ACADM: variants seen among roughly 807,000 people sequenced by gnomAD.
ACADM encodes the protein medium-chain specific acyl-CoA dehydrogenase, mitochondrial.
In ACADM, 49 loss-of-function variants were observed where a neutral mutation model predicts 58.9. The ratio of observed to expected loss-of-function variants is 0.83; its 90% CI spans 0.66 to 1.06. The LOEUF (loss-of-function observed/expected upper bound fraction) is 1.06, where lower values mean the gene tolerates loss of function less well. ACADM is among the 50% of genes least tolerant of loss of function. ACADM has a pLI of 0.00. For missense variants in ACADM, 496 were observed against 507.0 expected, an observed-to-expected ratio of 0.98 and a Z score of 0.21; for synonymous variants, 160 against 157.7, an observed-to-expected ratio of 1.01 and a Z score of -0.11.
chr1:75,745,072 A>G (rs1202731821), intron 7 of ACADM, among the ~76,000 whole-genome samples: 1 of 152,310 alleles, frequency 6.6e-6, no homozygotes, highest in East Asian at 1.9e-4. Context: ...CAAACCCTGT[A>G]TATACTATGT....
chr1:75,736,584 A>C (rs2788653), intron 6 of ACADM, among the ~76,000 whole-genome samples: 140,774 of 152,008 alleles, frequency 0.93, 65,412 homozygotes, highest in African/African-American at 0.97. Flanking sequence ...AGTTTAGGAC[A>C]GGTTGCCCTC....
chr1:75,739,620 C>T (rs917829757), intron 6 of ACADM, among the ~76,000 whole-genome samples: 1 of 152,024 alleles, frequency 6.6e-6, no homozygotes, highest in African/African-American at 2.4e-5. Flanking sequence ...CTAGGCAACA[C>T]AGTGAGATGC....
At chr1:75,725,731 G>T (rs1647043616) in intron 1 of ACADM, among the ~76,000 whole-genome samples, 1 of 152,214 alleles carries the variant, frequency 6.6e-6, no homozygotes, top group African/African-American at 2.4e-5. Context: ...CATTGTTCTA[G>T]ACAGAGAGCC....
chr1:75,748,117 T>G (rs1647993820), intron 8 of ACADM, among the ~76,000 whole-genome samples: 1 of 152,214 alleles, frequency 6.6e-6, no homozygotes, highest in Non-Finnish European at 1.5e-5. Context: ...GTTTTTTTCC[T>G]TATTAAGAGT....
chr1:75,749,317 C>T lies in ACADM; in HGVS notation c.709-102C>T. On this transcript the variant is annotated intron_variant, in intron 8 of 11. Transcript: ENST00000370841. ...GCATTGCAGACTACAGTTTGTTGATCCCTGTTTTAGGTAATTGCAGAAAGT... is the reference window on the plus strand; with the variant it reads ...GCATTGCAGACTACAGTTTGTTGATTCCTGTTTTAGGTAATTGCAGAAAGT... The T allele has an allele frequency of 2.5e-6, 3 of 1,211,288 alleles. No homozygotes were observed. The South Asian group carries it at 3.9e-5, about 16-fold the overall frequency. The allele number at this position is 1,211,288 out of a possible 1,614,324, so 75.0% of individuals were successfully genotyped here. A position where few individuals can be genotyped will look rare whatever the true frequency, so the allele number is the denominator to read the frequency against.
Position 75,733,531 on chromosome 1 carries a change from G to C in ACADM, c.290G>C (p.Gly97Ala). 2 of 1,613,002 alleles carry C rather than the reference G, an allele frequency of 1.2e-6. No homozygotes were observed. The highest frequency in any genetic ancestry group is 1.7e-6 in the Non-Finnish European group (2 of 1,179,056). ...MNTHIPENCG[G>A]LGLGTFDACL... is the part of the protein sequence containing the mutation. ...TTGAAACATTTTGATACTGTAGGAG[G>C]TCTTGGACTTGGAACTTTTGATGCT... is the stretch of plus-strand genomic sequence containing the variant. Residue 97 changes from glycine to alanine, a missense_variant, in exon 5 of 12, where the codon GGT (glycine) becomes GCT (alanine). Transcript: ENST00000370841.
Position 75,749,608 on chromosome 1 carries a change from T to C in ACADM, c.849+49T>C, listed in dbSNP as rs911445394. On this transcript the variant is annotated intron_variant, in intron 9 of 11. Transcript: ENST00000370841. ...TTTATAGGATCTTTTATTTATTACA[T>C]TAAATAAGTATTTTTACTTTAAAAT... 2.7e-6 allele frequency: 4 copies of C among 1,480,410 alleles called. No individual in the cohort carries two copies. In the East Asian group the frequency reaches 9.3e-5, roughly 34 times the overall value. The allele number at this position is 1,480,410 out of a possible 1,614,324, so 91.7% of individuals were successfully genotyped here. A position where few individuals can be genotyped will look rare whatever the true frequency, so the allele number is the denominator to read the frequency against.
At chr1:75,760,134 AAAG>A (rs750106884) in intron 10 of ACADM, among the ~76,000 whole-genome samples, 1 of 151,094 alleles carries the variant, frequency 6.6e-6, no homozygotes, top group African/African-American at 2.4e-5. Context: ...AAAAGAAAAA[AAAG>A]AGGCCGAGTG....
chr1:75,726,531 CAGAA>C (rs796543800), intron 1 of ACADM, among the ~76,000 whole-genome samples: 15 of 152,266 alleles, frequency 9.9e-5, no homozygotes, highest in African/African-American at 3.6e-4. Flanking sequence ...AGGATACTAA[CAGAA>C]AGATCAGTAT....
At chr1:75,748,760 G>T (rs1321042864) in intron 8 of ACADM, among the ~76,000 whole-genome samples, 3 of 152,124 alleles carry the variant, frequency 2.0e-5, no homozygotes, top group African/African-American at 7.2e-5. Context: ...GTAACTTTTT[G>T]GGGTTCTAAA....
At chr1:75,736,222 G>T (rs971220589) in intron 6 of ACADM, among the ~76,000 whole-genome samples, 5 of 143,750 alleles carry the variant, frequency 3.5e-5, no homozygotes, top group Non-Finnish European at 5.9e-5. Context: ...TTCTGAAACT[G>T]TTGTTTACCT....
chr1:75,731,899 C>T (rs80220597), intron 2 of ACADM, among the ~76,000 whole-genome samples: 7,465 of 152,130 alleles, frequency 0.049, 277 homozygotes, highest in African/African-American at 0.11. Flanking sequence ...TGAGGTGGCT[C>T]CCAGCACTTT....
At chr1:75,733,505 G>A (rs540606241) in intron 4 of ACADM, 23 bp from the exon 5 acceptor site, 5 of 1,574,184 alleles carry the variant, frequency 3.2e-6, no homozygotes, top group Non-Finnish European at 4.4e-6. Flanking sequence ...ATTACAATGT[G>A]TTGAAACATT....
intron 10 of ACADM, among the ~76,000 whole-genome samples, chr1:75,754,391 T>C (rs1484044236): frequency 6.6e-6 from 1 of 151,676 alleles, no homozygotes; most frequent in Non-Finnish European, 1.5e-5. Flanking sequence ...TTTGTACTTT[T>C]AGTAGAGATG....
Position 75,732,677 on chromosome 1 carries a change from C to T in ACADM, c.152C>T (p.Thr51Ile). The change falls in exon 3 of 12, where the codon ACT (threonine) becomes ATT (isoleucine). Residue 51 changes from threonine to isoleucine, a missense_variant. Physicochemically the swap from Thr to Ile is moderately conservative, Grantham distance 89. Transcript: ENST00000370841. The stretch of plus-strand genomic sequence containing the variant: ...GAACAGCAGAAAGAATTTCAAGCTA[C>T]TGCTCGTAAATTTGCCAGAGAGGAA... ...FTEQQKEFQA[T>I]ARKFAREEII... 8 of 1,614,012 alleles carry T rather than the reference C, an allele frequency of 5.0e-6. No homozygotes were observed. The highest frequency in any genetic ancestry group is 6.8e-6 in the Non-Finnish European group (8 of 1,179,948).
chr1:75,735,894 A>C (rs1373638295), intron 6 of ACADM, among the ~76,000 whole-genome samples: 1 of 151,724 alleles, frequency 6.6e-6, no homozygotes, highest in Non-Finnish European at 1.5e-5. Flanking sequence ...TCACACCTGT[A>C]ATGTCAGCAC....
intron 6 of ACADM, among the ~76,000 whole-genome samples, chr1:75,736,952 T>C (rs1217476311): frequency 6.6e-6 from 1 of 152,134 alleles, no homozygotes; most frequent in Non-Finnish European, 1.5e-5. Context: ...ATGAACATTT[T>C]CTTATGCCTT....
At chr1:75,759,721 G>A (rs1274564587) in intron 10 of ACADM, among the ~76,000 whole-genome samples, 2 of 145,838 alleles carry the variant, frequency 1.4e-5, no homozygotes, top group Admixed American at 1.4e-4. Flanking sequence ...GAGTGCAATG[G>A]TGTGATCTTG....
intron 2 of ACADM, among the ~76,000 whole-genome samples, chr1:75,732,008 C>T (rs919302075): frequency 2.6e-5 from 4 of 152,000 alleles, no homozygotes; most frequent in African/African-American, 9.7e-5. Context: ...AAAAATTAGC[C>T]AGATATGGTG....
Sources: gnomAD v4.1 joint callset for allele counts (sites outside exome capture counted in the v4.1 genomes callset) on GRCh38, gnomAD v4.1.1 for gene constraint, MANE v1.5 for transcripts, NCBI Gene and HGNC (gene_info 2026-07-23, HGNC 2026-07-21) for gene names.